RBM6: variants seen among roughly 807,000 people sequenced by gnomAD.
The protein encoded by RBM6 is RNA-binding protein 6.
Under a neutral mutation model 140.4 loss-of-function variants are expected in RBM6, and 23 were observed. The observed-to-expected ratio is 0.16, with a 90% CI of 0.12 to 0.23. The LOEUF (loss-of-function observed/expected upper bound fraction) is 0.23. Among genes scored for constraint, RBM6 ranks in the 10% least tolerant of loss-of-function variants. The pLI, the probability that RBM6 is intolerant of heterozygous loss-of-function variation, is 1.00. For synonymous variants in RBM6, 439 were observed against 475.6 expected (o/e 0.92, Z 1.00); for missense variants, 1,139 against 1,386.7 (o/e 0.82, Z 2.84).
chr3:50,066,190 A>G (rs749938027), intron 16 of RBM6, 52 bp from the exon 17 acceptor site: 20 of 1,535,848 alleles, frequency 1.3e-5, no homozygotes, highest in Non-Finnish European at 1.7e-5. Context: ...AAAAAAATGG[A>G]CCCCAAAATA....
At chr3:49,981,711 A>T (rs1290122381) in intron 5 of RBM6, 1 of 152,152 alleles carries the variant, frequency 6.6e-6, no homozygotes, top group Non-Finnish European at 1.5e-5. Context: ...AAGGACATAT[A>T]ACTTAGTTGT....
chr3:50,064,971 C>G lies in RBM6; in HGVS notation c.2587-60C>G, dbSNP rs2090069117. ...ATAGGCGTGAGCCACCGCACCCAGC[C>G]CAGCCTTTATCAGTTATTATGAGTG... On this transcript the variant is annotated intron_variant, in intron 15 of 20. Transcript: ENST00000266022. 4 of 1,446,188 alleles carry G rather than the reference C, an allele frequency of 2.8e-6. No homozygotes were observed. The East Asian group carries it at 6.9e-5, about 25-fold the overall frequency. The allele number at this position is 1,446,188 out of a possible 1,614,324, so 89.6% of individuals were successfully genotyped here. A position where few individuals can be genotyped will look rare whatever the true frequency, so the allele number is the denominator to read the frequency against.
In RBM6 at chr3:49,999,455, A is replaced by G. The variant is rs2086226933; in HGVS notation, c.1499A>G (p.Tyr500Cys). The change falls in exon 6 of 21, where the codon TAT becomes TGT. Residue 500 changes from tyrosine (Y) to cysteine (C), a missense_variant. Physicochemically the swap from Tyr to Cys is radical, Grantham distance 194 (BLOSUM62 -2). Coordinates refer to ENST00000266022, the MANE Select transcript of RBM6 (RefSeq NM_005777.3). ...KEYNTGYDYG[Y>C]VCVEFSLLED... The stretch of plus-strand genomic sequence containing the variant: ...CTGTCCCCAGGTTACGACTATGGCT[A>G]TGTCTGCGTGGAGTTTTCACTCTTG... 1.9e-6 allele frequency: 3 copies of G among 1,613,872 alleles called. No individual in the cohort carries two copies. The highest frequency in any genetic ancestry group is 2.2e-5 in the East Asian group (1 of 44,874).
chr3:49,968,768 T>TG lies in RBM6; in HGVS notation c.1323+21dup. ...CTTCAGGTATGTTGATGGGGTGGATTGCTTTTTTTTTTTTTTTTTTTTTTT... is the reference window on the plus strand; with the variant it reads ...CTTCAGGTATGTTGATGGGGTGGATTGGCTTTTTTTTTTTTTTTTTTTTTTT... On this transcript the variant is annotated intron_variant, in intron 3 of 20. Transcript: ENST00000266022. 7.6e-7 allele frequency: 1 copy of TG among 1,312,752 alleles called. No individual in the cohort carries two copies. The highest frequency in any genetic ancestry group is 1.0e-6 in the Non-Finnish European group (1 of 983,602). The allele number at this position is 1,312,752 out of a possible 1,614,324, so 81.3% of individuals were successfully genotyped here.
intron 15 of RBM6, among the ~76,000 whole-genome samples, 182 bp from the exon 16 acceptor site, chr3:50,064,848 AT>A (rs2090063235): frequency 6.6e-6 from 1 of 152,002 alleles, no homozygotes; most frequent in South Asian, 2.1e-4. Flanking sequence ...AATTTTTTGT[AT>A]TTTTAGTAGA....
At chr3:49,986,033 T>G (rs888832065) in intron 5 of RBM6, among the ~76,000 whole-genome samples, 17 of 152,144 alleles carry the variant, frequency 1.1e-4, no homozygotes, top group Admixed American at 1.1e-3. Flanking sequence ...TCACCCAGGC[T>G]GGAGTGCAGT....
At chr3:49,969,084 A>G (rs1355568317) in intron 3 of RBM6, among the ~76,000 whole-genome samples, 3 of 150,930 alleles carry the variant, frequency 2.0e-5, no homozygotes, top group African/African-American at 7.3e-5. Context: ...GAGTGCAGTG[A>G]CATAATCTCA....
intron 5 of RBM6, 108 bp downstream of exon 5, chr3:49,975,500 C>T: frequency 1.1e-6 from 1 of 946,130 alleles, no homozygotes; most frequent in Non-Finnish European, 1.7e-6. Context: ...TTAAAATTTC[C>T]AGAAGCCTCC....
At position 49,971,340 on chromosome 3, in the gene RBM6, G is replaced by T. The variant is rs571555631; in HGVS notation, c.1324-719G>T. On this transcript the variant is annotated intron_variant, in intron 3 of 20. Coordinates refer to ENST00000266022, the MANE Select transcript of RBM6 (RefSeq NM_005777.3). The stretch of plus-strand genomic sequence containing the variant: ...GGCGCCTGTAATCCCAACTACTTGG[G>T]AGGCTGAGGCAGGAGAATTGCTTGA... Among the ~76,000 whole-genome samples, 230 of 151,002 alleles carry T rather than the reference G, an allele frequency of 1.5e-3. 1 individual carries two copies. Among genetic ancestry groups the T allele is most frequent in the African/African-American group, 5.3e-3 (217 of 41,274 alleles).
intron 1 of RBM6, among the ~76,000 whole-genome samples, chr3:49,948,582 C>T (rs894966229): frequency 2.0e-5 from 3 of 151,646 alleles, no homozygotes; most frequent in African/African-American, 4.8e-5. Flanking sequence ...GGTGTGGTGG[C>T]GCGCACCTAG....
intron 19 of RBM6, among the ~76,000 whole-genome samples, chr3:50,074,345 G>C (rs1224429074): frequency 1.3e-5 from 2 of 148,784 alleles, no homozygotes; most frequent in Admixed American, 6.7e-5. Flanking sequence ...TTTTGAAACA[G>C]AGTTTCACTC....
chr3:49,990,716 C>T lies in RBM6; in HGVS notation c.1484-8724C>T, dbSNP rs1371260990. On this transcript the variant is annotated intron_variant, in intron 5 of 20. Transcript: ENST00000266022. ...TAGGCCTGTGTTTTAAAATGGCTGCCTGGAGGACAAGTGCTATAAGGAAAT... is the reference window on the plus strand; with the variant it reads ...TAGGCCTGTGTTTTAAAATGGCTGCTTGGAGGACAAGTGCTATAAGGAAAT... 2.6e-5 allele frequency among the ~76,000 whole-genome samples: 4 copies of T among 152,026 alleles called. No homozygotes were observed. In the South Asian group the frequency reaches 8.3e-4, roughly 32 times the overall value.
chr3:49,959,719 C>G (rs1342137764), intron 1 of RBM6, among the ~76,000 whole-genome samples: 1 of 151,428 alleles, frequency 6.6e-6, no homozygotes, highest in African/African-American at 2.4e-5. Flanking sequence ...TACAGGTGCC[C>G]GCCACTACGC....
At position 49,972,108 on chromosome 3, in the gene RBM6, T is replaced by C. The variant is rs148410099; in HGVS notation, c.1373T>C (p.Ile458Thr). 48 of 1,613,444 alleles carry C rather than the reference T, an allele frequency of 3.0e-5. No individual in the cohort carries two copies. The highest frequency in any genetic ancestry group is 3.9e-5 in the Non-Finnish European group (46 of 1,179,576). ...GPSEEKPSRL[I>T]RLSGVPEDAT... ...AGTGAGGAGAAACCCAGCAGGCTTA[T>C]TCGATTAAGTGGGGTACCTGAAGAT... The change falls in exon 4 of 21, where the codon ATT becomes ACT. Residue 458 changes from isoleucine to threonine, a missense_variant. Coordinates refer to ENST00000266022, the MANE Select transcript of RBM6 (RefSeq NM_005777.3).
chr3:50,009,732 G>T (rs996547594), intron 6 of RBM6, among the ~76,000 whole-genome samples: 1 of 151,186 alleles, frequency 6.6e-6, no homozygotes, highest in Non-Finnish European at 1.5e-5. Context: ...TAATTTTGAG[G>T]GGGTAGAGGG....
At chr3:50,027,608 T>C (rs1559603932) in intron 6 of RBM6, among the ~76,000 whole-genome samples, 3 of 152,224 alleles carry the variant, frequency 2.0e-5, no homozygotes, top group Non-Finnish European at 4.4e-5. Context: ...TGGTCTTTTG[T>C]GACTGGCTTC....
chr3:50,054,409 G>A lies in RBM6; in HGVS notation c.1693+14G>A. The A allele has an allele frequency of 6.2e-7, 1 of 1,601,680 alleles. No homozygotes were observed. Among genetic ancestry groups the A allele is most frequent in the South Asian group, 1.1e-5 (1 of 90,830 alleles). On this transcript the variant is annotated intron_variant, in intron 8 of 20. Transcript: ENST00000266022. ...ACCCAAGAGAAGGTGAGTGGCGAAA[G>A]TGGTAGCAGTTTTTATCTCGTGCAT...
At chr3:49,989,090 A>G (rs920144108) in intron 5 of RBM6, among the ~76,000 whole-genome samples, 2 of 152,126 alleles carry the variant, frequency 1.3e-5, no homozygotes, top group Admixed American at 6.6e-5. Context: ...CAGGGTAGGA[A>G]AATCATCACA....
chr3:49,953,761 C>T (rs2083844765), intron 1 of RBM6, among the ~76,000 whole-genome samples: 1 of 151,938 alleles, frequency 6.6e-6, no homozygotes, highest in South Asian at 2.1e-4. Context: ...CTCAGATGAT[C>T]TGCCCGCATC....
Sources: allele counts gnomAD v4.1 joint callset (sites outside exome capture counted in the v4.1 genomes callset), GRCh38; gene constraint gnomAD v4.1.1; transcripts MANE v1.5; gene names NCBI Gene and HGNC (gene_info 2026-07-23, HGNC 2026-07-21).